PLPP1: variants seen among roughly 807,000 people sequenced by gnomAD.
PLPP1 encodes lipid phosphate phosphohydrolase 1a.
Under a neutral mutation model 31.2 loss-of-function variants are expected in PLPP1, and 24 were observed. The ratio of observed to expected loss-of-function variants is 0.77; its 90% CI spans 0.56 to 1.08. The LOEUF (loss-of-function observed/expected upper bound fraction) is 1.08, where lower values mean the gene tolerates loss of function less well. Ranked by LOEUF, PLPP1 falls within the 50% of genes least tolerant of loss-of-function variation. PLPP1 has a pLI of 0.00. For missense variants in PLPP1, 319 were observed against 342.7 expected (o/e 0.93, Z 0.55); for synonymous variants, 146 against 126.3 (o/e 1.16, Z -1.05).
chr5:55,497,303 T>A (rs549226176), intron 1 of PLPP1, among the ~76,000 whole-genome samples: 2 of 152,244 alleles, frequency 1.3e-5, no homozygotes, highest in African/African-American at 4.8e-5. Flanking sequence ...TGGAGTCCAG[T>A]GGTAGGATCA....
At chr5:55,529,946 G>A (rs1415384244) in intron 1 of PLPP1, among the ~76,000 whole-genome samples, 2 of 152,158 alleles carry the variant, frequency 1.3e-5, no homozygotes, top group African/African-American at 2.4e-5. Flanking sequence ...CATCTTTTAC[G>A]CTTTTAAAGC....
At chr5:55,491,154 C>T (rs751350407) in intron 1 of PLPP1, 1 of 1,586,954 alleles carries the variant, frequency 6.3e-7, no homozygotes, top group Admixed American at 1.8e-5. Context: ...TGATTAAATT[C>T]AATTCACTTC....
intron 4 of PLPP1, among the ~76,000 whole-genome samples, chr5:55,441,563 C>CAG (rs1402448312): frequency 1.3e-5 from 2 of 152,198 alleles, no homozygotes; most frequent in Non-Finnish European, 2.9e-5. Flanking sequence ...GAGTGGCTCC[C>CAG]AGTTAGGGAG....
intron 3 of PLPP1, among the ~76,000 whole-genome samples, chr5:55,458,988 T>C (rs539986233): frequency 3.6e-4 from 53 of 148,852 alleles, no homozygotes; most frequent in African/African-American, 1.2e-3. Flanking sequence ...AGGGCAAAGA[T>C]TTTTCAGTCT....
chr5:55,524,920 T>A (rs1209660409), intron 1 of PLPP1, among the ~76,000 whole-genome samples: 23 of 152,200 alleles, frequency 1.5e-4, no homozygotes, highest in Non-Finnish European at 1.0e-4. Flanking sequence ...AACTCCACTT[T>A]CTGGAGTAAG....
At chr5:55,533,079 C>T (rs914303036) in intron 1 of PLPP1, among the ~76,000 whole-genome samples, 1 of 151,696 alleles carries the variant, frequency 6.6e-6, no homozygotes, top group Non-Finnish European at 1.5e-5. Flanking sequence ...TTCATATTAA[C>T]AGGTAACAAA....
chr5:55,425,463 TAAAAAATTAG>T (rs911177107), intron 5 of PLPP1, 129 bp from the exon 6 acceptor site: 5 of 858,678 alleles, frequency 5.8e-6, no homozygotes, highest in Admixed American at 7.1e-5. Flanking sequence ...ATTAAGCATA[TAAAAAATTAG>T]AGACTAACTG....
chr5:55,441,734 C>G, intron 4 of PLPP1, 117 bp downstream of exon 4: 1 of 1,057,710 alleles, frequency 9.5e-7, no homozygotes, highest in East Asian at 2.4e-5. Flanking sequence ...ATTTGCAGAT[C>G]ATCTGTTTCA....
At chr5:55,526,242 T>C (rs1740428735) in intron 1 of PLPP1, among the ~76,000 whole-genome samples, 1 of 152,222 alleles carries the variant, frequency 6.6e-6, no homozygotes, top group African/African-American at 2.4e-5. Flanking sequence ...TAGCACATTC[T>C]TGAGTTTCCA....
At chr5:55,527,021 C>A (rs1740476142) in intron 1 of PLPP1, among the ~76,000 whole-genome samples, 1 of 150,064 alleles carries the variant, frequency 6.7e-6, no homozygotes, top group African/African-American at 2.4e-5. Flanking sequence ...TTATTTTTAT[C>A]TTCAGTGTCT....
intron 4 of PLPP1, among the ~76,000 whole-genome samples, chr5:55,435,933 G>A (rs1228486694): frequency 6.7e-6 from 1 of 148,472 alleles, no homozygotes; most frequent in Non-Finnish European, 1.5e-5. Flanking sequence ...AGAACTGCTT[G>A]AACCCAGAAG....
intron 4 of PLPP1, among the ~76,000 whole-genome samples, chr5:55,437,706 C>T (rs1007891160): frequency 1.3e-5 from 2 of 152,174 alleles, no homozygotes; most frequent in Non-Finnish European, 2.9e-5. Flanking sequence ...AAGCAGGCCT[C>T]AGTTTAGTCT....
chr5:55,443,650 A>T (rs1241222452), intron 3 of PLPP1, among the ~76,000 whole-genome samples: 1 of 152,228 alleles, frequency 6.6e-6, no homozygotes, highest in Non-Finnish European at 1.5e-5. Context: ...ATGAACTGCA[A>T]ACTAATTTAG....
chr5:55,426,141 A>G lies in PLPP1; in HGVS notation c.550-102T>C, dbSNP rs1292842543. Reference sequence around the variant, plus strand: ...TTGAAATGATTATCAAAGTATTATTATATAGGGAACAGGACTTCTAGGCAA... The same window carrying G: ...TTGAAATGATTATCAAAGTATTATTGTATAGGGAACAGGACTTCTAGGCAA... On this transcript the variant is annotated intron_variant, in intron 4 of 5. Coordinates refer to ENST00000307259, the MANE Select transcript of PLPP1 (RefSeq NM_003711.4). 3.8e-6 allele frequency: 4 copies of G among 1,054,790 alleles called. No homozygotes were observed. In the Admixed American group the frequency reaches 8.9e-5, roughly 24 times the overall value. 65.3% of individuals were successfully genotyped at this position (1,054,790 alleles called of 1,614,324 possible).
chr5:55,525,090 G>C (rs1753752010), intron 1 of PLPP1, among the ~76,000 whole-genome samples: 1 of 152,092 alleles, frequency 6.6e-6, no homozygotes, highest in South Asian at 2.1e-4. Context: ...AAAACACTAA[G>C]TTTCAAAAGC....
intron 1 of PLPP1, among the ~76,000 whole-genome samples, chr5:55,477,973 C>G (rs993185455): frequency 5.5e-5 from 8 of 146,258 alleles, no homozygotes; most frequent in Admixed American, 2.1e-4. Context: ...GAGTGACACT[C>G]TGTCTTAAAA....
chr5:55,465,837 G>GTCT (rs1752280669), intron 3 of PLPP1, among the ~76,000 whole-genome samples: 1 of 152,040 alleles, frequency 6.6e-6, no homozygotes, highest in Non-Finnish European at 1.5e-5. Flanking sequence ...TACTGTTAAA[G>GTCT]TCTTCTATCT....
At chr5:55,442,601 G>A (rs796543267) in intron 3 of PLPP1, among the ~76,000 whole-genome samples, 6 of 151,076 alleles carry the variant, frequency 4.0e-5, no homozygotes, top group African/African-American at 7.3e-5. Context: ...GCAGTGGGCC[G>A]AGATCGCACC....
intron 4 of PLPP1, among the ~76,000 whole-genome samples, chr5:55,436,583 A>G (rs960945798): frequency 9.2e-5 from 14 of 152,050 alleles, no homozygotes; most frequent in Non-Finnish European, 1.9e-4. Flanking sequence ...AGACTAATAA[A>G]CCAACACTCC....
Sources: allele counts gnomAD v4.1 joint callset (sites outside exome capture counted in the v4.1 genomes callset), GRCh38; gene constraint gnomAD v4.1.1; transcripts MANE v1.5; gene names NCBI Gene and HGNC (gene_info 2026-07-23, HGNC 2026-07-21).